Variants in ZGRF1 observed in about 807,000 individuals in gnomAD.
ZGRF1 encodes zinc finger GRF-type containing 1, also known as 5'-3' DNA helicase ZGRF1.
Under a neutral mutation model 203.5 loss-of-function variants are expected in ZGRF1, and 196 were observed. That is an observed-to-expected ratio of 0.96 (90% CI 0.86 to 1.08). The LOEUF (loss-of-function observed/expected upper bound fraction) is 1.08, where lower values mean the gene tolerates loss of function less well. Among genes scored for constraint, ZGRF1 ranks in the 50% least tolerant of loss-of-function variants. The probability of loss-of-function intolerance (pLI) is 0.00; values close to 1 mark genes in which losing one functional copy is unlikely to be tolerated. For synonymous variants in ZGRF1, 809 were observed against 841.3 expected (o/e 0.96, Z 0.66); for missense variants, 2,326 against 2,416.3 (o/e 0.96, Z 0.78).
intron 19 of ZGRF1, 62 bp from the exon 20 acceptor site, chr4:112,558,371 T>C: frequency 2.3e-6 from 3 of 1,331,426 alleles, no homozygotes; most frequent in South Asian, 3.8e-5. Context: ...CTTTTTTCTT[T>C]TCTTTTTCTT....
chr4:112,542,774 T>G (rs1737915631), intron 24 of ZGRF1, among the ~76,000 whole-genome samples: 1 of 151,486 alleles, frequency 6.6e-6, no homozygotes, highest in South Asian at 2.1e-4. Context: ...TTTTCTTTCT[T>G]TCCTTCCTTC....
chr4:112,581,645 A>G lies in ZGRF1; in HGVS notation c.4438+18T>C, dbSNP rs756746127. 2 of 1,556,042 alleles carry G rather than the reference A, an allele frequency of 1.3e-6. No homozygotes were observed. The highest frequency in any genetic ancestry group is 2.5e-5 in the South Asian group (2 of 79,462). On this transcript the variant is annotated intron_variant, in intron 16 of 27. Coordinates refer to ENST00000505019, the MANE Select transcript of ZGRF1 (RefSeq NM_018392.5). ...AATAAGGCTAGACTGAATCGCCAGT[A>G]TGATCAGATCAACTTACTTTTGCTA...
chr4:112,569,877 C>T (rs1362948613), intron 16 of ZGRF1, among the ~76,000 whole-genome samples: 4 of 151,588 alleles, frequency 2.6e-5, no homozygotes, highest in Non-Finnish European at 5.9e-5. Flanking sequence ...TAATACTAGT[C>T]AAAATAAACT....
At chr4:112,586,270 C>T (rs893697745) in intron 13 of ZGRF1, among the ~76,000 whole-genome samples, 175 bp downstream of exon 13, 8 of 151,614 alleles carry the variant, frequency 5.3e-5, no homozygotes, top group African/African-American at 1.9e-4. Flanking sequence ...TAATTTCCCA[C>T]TTTTAAAACT....
chr4:112,576,860 T>C (rs1446700434), intron 16 of ZGRF1, among the ~76,000 whole-genome samples: 1 of 152,104 alleles, frequency 6.6e-6, no homozygotes, highest in East Asian at 1.9e-4. Context: ...CTCTGCAGGA[T>C]ATTATCCAGG....
chr4:112,587,836 G>A lies in ZGRF1; in HGVS notation c.3221C>T (p.Thr1074Ile). 1 of 1,551,560 alleles carries A rather than the reference G, an allele frequency of 6.4e-7. No individual in the cohort carries two copies. The highest frequency in any genetic ancestry group is 8.7e-7 in the Non-Finnish European group (1 of 1,146,872). ...TQVPLITLPR[T>I]DGPPDLDSHS... ...AGAGTCTAAGTCAGGTGGCCCATCA[G>A]TACGTGGCAAAGTAATAAGTGGAAC... Residue 1074 changes from threonine (T) to isoleucine (I), a missense_variant, in exon 12 of 28, where the codon ACT becomes ATT. Coordinates refer to ENST00000505019, the MANE Select transcript of ZGRF1 (RefSeq NM_018392.5).
intron 16 of ZGRF1, among the ~76,000 whole-genome samples, chr4:112,568,539 T>TGTC (rs562956458): frequency 1.7e-4 from 25 of 150,874 alleles, no homozygotes; most frequent in Admixed American, 1.3e-3. Context: ...GGTGAAACCG[T>TGTC]GTCTCTACTA....
rs1406735883 is a variant in ZGRF1, at chr4:112,541,108, A to C, written c.5759T>G (p.Val1920Gly). Residue 1920 changes from valine (V) to glycine (G), a missense_variant, in exon 25 of 28, where the codon GTT becomes GGT. Val to Gly is a moderately radical substitution (Grantham distance 109, BLOSUM62 -3). Coordinates refer to ENST00000505019, the MANE Select transcript of ZGRF1 (RefSeq NM_018392.5). ...EWLPTLCFYN[V>G]KGLEQIERDN... is the part of the protein sequence containing the mutation. ...GTCATTTACCTGTTCTAGTCCTTTA[A>C]CATTATAAAAACACAGGGTTGGTAG... 1 of 1,594,816 alleles carries C rather than the reference A, an allele frequency of 6.3e-7. No homozygotes were observed. Among genetic ancestry groups the C allele is most frequent in the South Asian group, 1.1e-5 (1 of 88,248 alleles).
In ZGRF1 at chr4:112,560,893, TC is replaced by T; in HGVS notation, c.4799del (p.Gly1600GlufsTer4). The T allele has an allele frequency of 6.2e-7, 1 of 1,613,740 alleles. No individual in the cohort carries two copies. The highest frequency in any genetic ancestry group is 8.5e-7 in the Non-Finnish European group (1 of 1,179,758). ...VSTKFELLSLGATLKLASELI... is the reference protein window; with the variant it reads ...VSTKFELLSLXATLKLASELI... ...ACTCACTAGCTAACTTCAATGTTGC[TC>T]CTAGGCTGAGTAGTTCAAATTTTGT... On this transcript the variant is annotated frameshift_variant, in exon 19 of 28. Coordinates refer to ENST00000505019, the MANE Select transcript of ZGRF1 (RefSeq NM_018392.5). LOFTEE classifies it high-confidence loss of function.
At chr4:112,567,307 G>A (rs114357524) in intron 16 of ZGRF1, among the ~76,000 whole-genome samples, 1 of 151,838 alleles carries the variant, frequency 6.6e-6, no homozygotes, top group Non-Finnish European at 1.5e-5. Flanking sequence ...AGGGAAAAAT[G>A]AGTTCACAGG....
intron 4 of ZGRF1, among the ~76,000 whole-genome samples, chr4:112,620,550 C>A (rs1313026972): frequency 6.6e-6 from 1 of 152,026 alleles, no homozygotes; most frequent in Non-Finnish European, 1.5e-5. Flanking sequence ...CCTGTCTCTA[C>A]AAAAAATTTT....
At chr4:112,546,262 T>C (rs558673722) in intron 24 of ZGRF1, among the ~76,000 whole-genome samples, 103 of 151,990 alleles carry the variant, frequency 6.8e-4, no homozygotes, top group Non-Finnish European at 2.4e-4. Context: ...GAAGAGGAAA[T>C]GGGCAGTTAA....
intron 22 of ZGRF1, among the ~76,000 whole-genome samples, chr4:112,549,778 T>C (rs1739554862): frequency 1.4e-5 from 2 of 145,816 alleles, no homozygotes; most frequent in Admixed American, 1.4e-4. Context: ...TCCTACTTCT[T>C]AAAAAAAAAA....
Position 112,620,145 on chromosome 4 carries a change from C to T in ZGRF1, c.208G>A (p.Val70Ile), listed in dbSNP as rs1394376186. The change falls in exon 5 of 28, where the codon GTT becomes ATT. Residue 70 changes from valine (V) to isoleucine (I), a missense_variant. Val to Ile is a conservative substitution (Grantham distance 29). Transcript: ENST00000505019. ...GCTCCAGCAACTTTAACCTCTTCAA[C>T]TGTGATTAAGTATCGATCACTTTCT... ...DLESDRYLIT[V>I]EEVKVAGAIG... 2.5e-6 allele frequency: 4 copies of T among 1,610,798 alleles called. No individual in the cohort carries two copies. Among genetic ancestry groups the T allele is most frequent in the Non-Finnish European group, 3.4e-6 (4 of 1,178,976 alleles).
At chr4:112,576,349 G>C (rs927729501) in intron 16 of ZGRF1, among the ~76,000 whole-genome samples, 4 of 152,146 alleles carry the variant, frequency 2.6e-5, no homozygotes, top group African/African-American at 9.7e-5. Flanking sequence ...AGAAAAACTG[G>C]AAACTCTAAA....
At chr4:112,553,230 C>T (rs926268221) in intron 22 of ZGRF1, among the ~76,000 whole-genome samples, 1 of 152,186 alleles carries the variant, frequency 6.6e-6, no homozygotes, top group Non-Finnish European at 1.5e-5. Context: ...TAGGAGGAAG[C>T]TGCTGATTGA....
intron 10 of ZGRF1, among the ~76,000 whole-genome samples, chr4:112,601,051 C>CA (rs1220012888): frequency 1.5e-4 from 23 of 148,742 alleles, no homozygotes; most frequent in African/African-American, 5.7e-4. Context: ...TGCAGTGAGG[C>CA]AAAATCACGC....
chr4:112,586,796 CT>C (rs2149021525), intron 12 of ZGRF1, among the ~76,000 whole-genome samples: 1 of 152,214 alleles, frequency 6.6e-6, no homozygotes, highest in Non-Finnish European at 1.5e-5. Flanking sequence ...AGTAACTTTT[CT>C]TATCTGCCCC....
intron 22 of ZGRF1, among the ~76,000 whole-genome samples, chr4:112,550,430 T>C (rs1739726135): frequency 6.6e-6 from 1 of 152,040 alleles, no homozygotes; most frequent in Admixed American, 6.6e-5. Context: ...TACAAAAGAA[T>C]CAAACAGTTT....
Sources: gnomAD v4.1 joint callset for allele counts (sites outside exome capture counted in the v4.1 genomes callset) on GRCh38, gnomAD v4.1.1 for gene constraint, MANE v1.5 for transcripts, NCBI Gene and HGNC (gene_info 2026-07-23, HGNC 2026-07-21) for gene names.